The following SLC35F4 variants were observed in gnomAD, a reference collection of about 807,000 sequenced individuals.
SLC35F4 encodes chromosome 14 open reading frame 36.
In SLC35F4, 24 loss-of-function variants were observed where a neutral mutation model predicts 44.2. That is an observed-to-expected ratio of 0.54 (90% CI 0.39 to 0.76). The LOEUF is 0.76. Among genes scored for constraint, SLC35F4 ranks in the 30% least tolerant of loss-of-function variants. The pLI, the probability that SLC35F4 is intolerant of heterozygous loss-of-function variation, is 0.00. For missense variants in SLC35F4, 562 were observed against 586.1 expected (o/e 0.96, Z 0.42); for synonymous variants, 238 against 223.6 (o/e 1.06, Z -0.57).
chr14:57,630,168 C>T (rs1017780907), intron 1 of SLC35F4: 24 of 559,666 alleles, frequency 4.3e-5, no homozygotes, highest in Non-Finnish European at 8.3e-5. Context: ...CTAGGGGGAT[C>T]AGAAGACACT....
chr14:57,591,606 C>A (rs1253552009), intron 2 of SLC35F4, among the ~76,000 whole-genome samples: 1 of 152,190 alleles, frequency 6.6e-6, no homozygotes, highest in Non-Finnish European at 1.5e-5. Context: ...CAAGATTGAA[C>A]CCAACTGAAT....
chr14:57,908,259 G>A (rs1389572849), intron 1 of SLC35F4, among the ~76,000 whole-genome samples: 1 of 152,150 alleles, frequency 6.6e-6, no homozygotes, highest in Non-Finnish European at 1.5e-5. Context: ...ACATATGTGT[G>A]CATGTGTCTT....
rs75716258 is a variant in SLC35F4 at position 57,613,901 on chromosome 14, T to C, written c.104-19777A>G. On this transcript the variant is annotated intron_variant, in intron 1 of 7. Coordinates refer to ENST00000556826, the MANE Select transcript of SLC35F4 (RefSeq NM_001306087.2). ...AAGTTGTTGTAAGGAGTAGATGATG[T>C]AATGTATGTTTGTGTTATTATGTAT... Among the ~76,000 whole-genome samples, 395 of 152,340 alleles carry C rather than the reference T, an allele frequency of 2.6e-3. 8 individuals carry two copies. In the East Asian group the frequency reaches 0.067, roughly 26 times the overall value.
At chr14:57,716,729 G>A (rs1463599572) in intron 1 of SLC35F4, among the ~76,000 whole-genome samples, 1 of 152,082 alleles carries the variant, frequency 6.6e-6, no homozygotes, top group Non-Finnish European at 1.5e-5. Flanking sequence ...TTATTTGTAT[G>A]GGGAACATTT....
intron 1 of SLC35F4, among the ~76,000 whole-genome samples, chr14:57,841,660 A>T (rs1885491868): frequency 1.3e-5 from 2 of 152,142 alleles, no homozygotes; most frequent in African/African-American, 4.8e-5. Flanking sequence ...GGTGCCAGGG[A>T]CTATGGTGAA....
chr14:57,950,505 C>A (rs1304410947), intron 1 of SLC35F4, among the ~76,000 whole-genome samples: 2 of 151,866 alleles, frequency 1.3e-5, no homozygotes, highest in Non-Finnish European at 1.5e-5. Context: ...TAATAATCAA[C>A]CTTCTGAAAT....
chr14:57,670,140 G>A (rs1410834121), intron 1 of SLC35F4, among the ~76,000 whole-genome samples: 1 of 152,136 alleles, frequency 6.6e-6, no homozygotes, highest in Non-Finnish European at 1.5e-5. Context: ...AGTATTCTCT[G>A]ATGATAGTTT....
intron 1 of SLC35F4, among the ~76,000 whole-genome samples, chr14:57,639,719 T>G (rs1437375455): frequency 1.3e-5 from 2 of 152,000 alleles, no homozygotes; most frequent in Non-Finnish European, 2.9e-5. Context: ...AAATGACAAT[T>G]GTCTAAGTCT....
rs1325102208 is a variant in SLC35F4 at position 57,946,499 on chromosome 14, G to A, written n.282+35414C>T. Among the ~76,000 whole-genome samples, 13 of 116,406 alleles carry A rather than the reference G, an allele frequency of 1.1e-4. No individual in the cohort carries two copies. The South Asian group carries it at 3.4e-3, about 31-fold the overall frequency. 76.4% of individuals were successfully genotyped at this position (116,406 alleles called of 152,430 possible). On this transcript the variant is annotated intron_variant and non_coding_transcript_variant, in intron 1 of 1. Transcript: ENST00000556568. ...TTTTTTTTTTTTTTTTTTTGAGACC[G>A]AGTCTCACTCTGTCACCCAGGTTGG...
At chr14:57,816,749 G>T (rs1023842894) in intron 1 of SLC35F4, among the ~76,000 whole-genome samples, 1 of 152,194 alleles carries the variant, frequency 6.6e-6, no homozygotes, top group African/African-American at 2.4e-5. Context: ...ACCAATGGGG[G>T]ATGGGAGTTT....
chr14:57,763,021 T>C (rs2077159818), intron 1 of SLC35F4, among the ~76,000 whole-genome samples: 1 of 152,190 alleles, frequency 6.6e-6, no homozygotes, highest in Admixed American at 6.5e-5. Flanking sequence ...ACTATTTACT[T>C]ATAGAACATT....
chr14:57,784,826 C>A (rs1467994230), intron 1 of SLC35F4, among the ~76,000 whole-genome samples: 2 of 152,176 alleles, frequency 1.3e-5, no homozygotes, highest in Admixed American at 1.3e-4. Flanking sequence ...GCAATACCAA[C>A]CCCTCCTTGT....
At chr14:57,622,113 A>G (rs1318460295) in intron 1 of SLC35F4, among the ~76,000 whole-genome samples, 2 of 131,378 alleles carry the variant, frequency 1.5e-5, no homozygotes, top group African/African-American at 2.8e-5. Context: ...CAAAACCACA[A>G]TGAGATACCA....
intron 1 of SLC35F4, among the ~76,000 whole-genome samples, chr14:57,686,861 A>G: frequency 6.6e-6 from 1 of 152,112 alleles, no homozygotes; most frequent in Non-Finnish European, 1.5e-5. Flanking sequence ...TGACTGAATT[A>G]TGTCTCCCCC....
Position 57,690,989 on chromosome 14 carries a change from C to G in SLC35F4, c.104-96865G>C, listed in dbSNP as rs535115292. 3.3e-5 allele frequency among the ~76,000 whole-genome samples: 5 copies of G among 152,266 alleles called. 1 individual carries two copies. The highest frequency in any genetic ancestry group is 2.1e-4 in the South Asian group (1 of 4,822). ...CGTAACAGTCTAGAGCAGGGGTCCC[C>G]AACCCTGGGTACCATGGTATCGGTT... On this transcript the variant is annotated intron_variant, in intron 1 of 7. Transcript: ENST00000556826.
At chr14:57,833,629 A>T (rs1298661199) in intron 1 of SLC35F4, among the ~76,000 whole-genome samples, 1 of 152,200 alleles carries the variant, frequency 6.6e-6, no homozygotes, top group Non-Finnish European at 1.5e-5. Flanking sequence ...TATCCACAAC[A>T]TCAGGAGGAT....
intron 1 of SLC35F4, among the ~76,000 whole-genome samples, chr14:57,643,127 A>C (rs545025633): frequency 6.6e-6 from 1 of 152,028 alleles, no homozygotes; most frequent in Non-Finnish European, 1.5e-5. Context: ...ACCCACAAAC[A>C]AAAGTTTCAA....
intron 1 of SLC35F4, among the ~76,000 whole-genome samples, chr14:57,896,217 C>A (rs1276078089): frequency 1.3e-5 from 2 of 152,024 alleles, no homozygotes; most frequent in East Asian, 1.9e-4. Context: ...AGGCAAGAAA[C>A]AATTGTGGGT....
intron 1 of SLC35F4, among the ~76,000 whole-genome samples, chr14:57,609,321 A>G (rs1194176775): frequency 2.0e-5 from 3 of 152,228 alleles, no homozygotes; most frequent in African/African-American, 7.2e-5. Flanking sequence ...TGAAGCTCTC[A>G]TTAAGCTCCT....
Sources: allele counts gnomAD v4.1 joint callset (sites outside exome capture counted in the v4.1 genomes callset), GRCh38; gene constraint gnomAD v4.1.1; transcripts MANE v1.5; gene names NCBI Gene and HGNC (gene_info 2026-07-23, HGNC 2026-07-21).